Variants in TMEM150B observed in about 807,000 individuals in gnomAD.
The protein encoded by TMEM150B is transmembrane protein 150B.
TMEM150B carries 33 observed loss-of-function variants against 25.2 expected under a neutral mutation model. The observed-to-expected ratio is 1.31, with a 90% CI of 0.99 to 1.75. The LOEUF (loss-of-function observed/expected upper bound fraction) is 1.75, where lower values mean the gene tolerates loss of function less well. Ranked by LOEUF, TMEM150B falls within the 40% of genes most tolerant of loss-of-function variation. TMEM150B has a pLI of 0.00. For synonymous variants in TMEM150B, 133 were observed against 134.8 expected (o/e 0.99, Z 0.09); for missense variants, 322 against 306.1 (o/e 1.05, Z -0.39).
chr19:55,312,533 C>CAAA (rs372052269), downstream of TMEM150B: 94 of 25,682 alleles, frequency 3.7e-3, 7 homozygotes, highest in Admixed American at 5.5e-3. Flanking sequence ...CCGCCGGCGG[C>CAAA]AAAAAAAAAA....
chr19:55,314,966 C>T (rs554347465), intron 7 of TMEM150B, among the ~76,000 whole-genome samples: 51 of 152,312 alleles, frequency 3.3e-4, no homozygotes, highest in Non-Finnish European at 7.1e-4. Flanking sequence ...GAAAGACCCC[C>T]CAAGGCTGGG....
chr19:55,324,809 T>A (rs1204587481), intron 1 of TMEM150B: 1 of 985,180 alleles, frequency 1.0e-6, no homozygotes, highest in East Asian at 1.1e-4. Flanking sequence ...TTTCCGGAGG[T>A]CTCCGTTTGC....
intron 6 of TMEM150B, 197 bp downstream of exon 6, chr19:55,319,840 AGC>A: frequency 7.1e-7 from 1 of 1,413,240 alleles, no homozygotes; most frequent in African/African-American, 1.4e-5. Context: ...ACATACAAAC[AGC>A]CTCGCTCGTA....
At chr19:55,316,258 C>T (rs2088993480) in intron 7 of TMEM150B, among the ~76,000 whole-genome samples, 1 of 152,274 alleles carries the variant, frequency 6.6e-6, no homozygotes, top group East Asian at 1.9e-4. Flanking sequence ...CTCTCAGAGC[C>T]TGCGCAAGCC....
At chr19:55,311,873 G>A (rs1249699574), downstream of TMEM150B, 5 of 1,604,580 alleles carry the variant, frequency 3.1e-6, no homozygotes, top group Non-Finnish European at 4.3e-6. Context: ...CCAACCCTGG[G>A]CTGCGGAACC....
chr19:55,315,323 AATAATAACAAG>A (rs2088959403), intron 7 of TMEM150B, among the ~76,000 whole-genome samples: 1 of 150,962 alleles, frequency 6.6e-6, no homozygotes, highest in South Asian at 2.1e-4. Flanking sequence ...CTCAAAAAAT[AATAATAACAAG>A]ATAATAATAA....
chr19:55,320,364 T>C (rs746296849), intron 5 of TMEM150B, 27 bp downstream of exon 5: 31 of 1,519,920 alleles, frequency 2.0e-5, no homozygotes, highest in Non-Finnish European at 2.3e-5. Context: ...TTGGGAGCAC[T>C]GAACCAAAGG....
At chr19:55,320,317 T>C in intron 5 of TMEM150B, 74 bp downstream of exon 5, 4 of 1,503,434 alleles carry the variant, frequency 2.7e-6, no homozygotes, top group Non-Finnish European at 3.6e-6. Flanking sequence ...CTCCTGGGTT[T>C]GAGAAAGGAG....
chr19:55,311,164 G>A (rs879900732), downstream of TMEM150B, among the ~76,000 whole-genome samples: 8 of 152,198 alleles, frequency 5.3e-5, no homozygotes, highest in Non-Finnish European at 8.8e-5. Flanking sequence ...GTTTCACCAT[G>A]TTGGCCAGGC....
chr19:55,320,241 G>T, intron 5 of TMEM150B, 75 bp from the exon 6 acceptor site: 3 of 1,557,534 alleles, frequency 1.9e-6, no homozygotes, highest in South Asian at 1.2e-5. Flanking sequence ...GGAAGTGAGG[G>T]GAGCAAGGTG....
rs1286047169 is a variant in TMEM150B at position 55,320,100 on chromosome 19, T to C, written c.263A>G (p.Gln88Arg). Residue 88 changes from glutamine to arginine, a missense_variant, in exon 6 of 8, where the codon CAG becomes CGG. Physicochemically the swap from Gln to Arg is conservative, Grantham distance 43. Transcript: ENST00000326652. Reference sequence around the variant, plus strand: ...CAGAAGACCCGTCCATAGGATCAGCTGGTTAGGCCACCTTCTGACGCCCCA... The same window carrying C: ...CAGAAGACCCGTCCATAGGATCAGCCGGTTAGGCCACCTTCTGACGCCCCA... ...RDWGVRRWPNQLILWTGLLCA... is the reference protein window; with the variant it reads ...RDWGVRRWPNRLILWTGLLCA... 6.2e-7 allele frequency: 1 copy of C among 1,614,096 alleles called. No individual in the cohort carries two copies. Among genetic ancestry groups the C allele is most frequent in the Non-Finnish European group, 8.5e-7 (1 of 1,180,006 alleles).
At chr19:55,313,502 G>T (rs1196576441) in intron 7 of TMEM150B, among the ~76,000 whole-genome samples, 1 of 152,038 alleles carries the variant, frequency 6.6e-6, no homozygotes, top group Non-Finnish European at 1.5e-5. Context: ...TGGCCTACAG[G>T]CCCTTCCTGC....
At chr19:55,309,898 G>A (rs551223736), downstream of TMEM150B, among the ~76,000 whole-genome samples, 1 of 152,312 alleles carries the variant, frequency 6.6e-6, no homozygotes, top group East Asian at 1.9e-4. Context: ...CAGGGCACGT[G>A]GACAGCCGTC....
At position 55,324,791 on chromosome 19, in the gene TMEM150B, C is replaced by T. The variant is rs1017068083; in HGVS notation, c.-154+481G>A. 5.1e-6 allele frequency: 5 copies of T among 985,360 alleles called. No individual in the cohort carries two copies. In the African/African-American group the frequency reaches 5.2e-5, roughly 10 times the overall value. The allele number at this position is 985,360 out of a possible 1,614,324, so 61.0% of individuals were successfully genotyped here. A position where few individuals can be genotyped will look rare whatever the true frequency, so the allele number is the denominator to read the frequency against. On this transcript the variant is annotated intron_variant, in intron 1 of 7. Transcript: ENST00000326652. Reference sequence around the variant, plus strand: ...CCTCTGGGTCTCGTCTTCCTCCTTTCGCTTCTTTTTCCGGAGGTCTCCGTT... The same window carrying T: ...CCTCTGGGTCTCGTCTTCCTCCTTTTGCTTCTTTTTCCGGAGGTCTCCGTT...
At chr19:55,317,235 C>T (rs2089034849) in intron 6 of TMEM150B, among the ~76,000 whole-genome samples, 1 of 152,218 alleles carries the variant, frequency 6.6e-6, no homozygotes. Context: ...CTTGCATTCT[C>T]AAGGCGGGGG....
downstream of TMEM150B, chr19:55,312,641 G>A: frequency 2.0e-6 from 1 of 499,508 alleles, no homozygotes; most frequent in South Asian, 3.8e-5. Flanking sequence ...CAGTTGCAGG[G>A]GCAGGGCCCG....
intron 1 of TMEM150B, chr19:55,324,856 GAATCCC>G: frequency 1.0e-6 from 1 of 985,242 alleles, no homozygotes; most frequent in Non-Finnish European, 1.2e-6. Flanking sequence ...GCCCTCAGGG[GAATCCC>G]TGTCTGTGGG....
intron 7 of TMEM150B, among the ~76,000 whole-genome samples, chr19:55,314,125 G>A (rs991613046): frequency 1.9e-4 from 29 of 152,162 alleles, no homozygotes; most frequent in African/African-American, 6.5e-4. Flanking sequence ...AGGTTCAAGC[G>A]ATTCTTGTGC....
chr19:55,320,158 T>G lies in TMEM150B; in HGVS notation c.205A>C (p.Ile69Leu), dbSNP rs370328646. 1.9e-6 allele frequency: 3 copies of G among 1,613,614 alleles called. No individual in the cohort carries two copies. In the African/African-American group the frequency reaches 4.0e-5, roughly 22 times the overall value. The change falls in exon 6 of 8, where the codon ATC becomes CTC. Residue 69 changes from isoleucine (I) to leucine (L), a missense_variant. Physicochemically the swap from Ile to Leu is conservative, Grantham distance 5. Transcript: ENST00000326652. Reference protein sequence around the residue: ...LNMGAALAAWICIVRYHQLRD... With the variant: ...LNMGAALAAWLCIVRYHQLRD... Reference sequence around the variant, plus strand: ...AGCTGGTGGTAACGGACAATGCAGATCCACGCGGCTGGGAGTAGAGGGGAG... The same window carrying G: ...AGCTGGTGGTAACGGACAATGCAGAGCCACGCGGCTGGGAGTAGAGGGGAG...
Sources: allele counts gnomAD v4.1 joint callset (sites outside exome capture counted in the v4.1 genomes callset), GRCh38; gene constraint gnomAD v4.1.1; transcripts MANE v1.5; gene names NCBI Gene and HGNC (gene_info 2026-07-23, HGNC 2026-07-21).